Variants in AUTS2 observed in about 807,000 individuals in gnomAD.
The protein encoded by AUTS2 is autism susceptibility gene 2 protein.
In AUTS2, 17 loss-of-function variants were observed where a neutral mutation model predicts 112.4. The ratio of observed to expected loss-of-function variants is 0.15; its 90% CI spans 0.10 to 0.23. The LOEUF is 0.23. AUTS2 is among the 10% of genes least tolerant of loss of function. The pLI is 1.00. For synonymous variants in AUTS2, 751 were observed against 702.7 expected (o/e 1.07, Z -1.09); for missense variants, 1,510 against 1,701.6 (o/e 0.89, Z 1.98).
At chr7:70,511,834 C>T (rs756707381) in intron 5 of AUTS2, among the ~76,000 whole-genome samples, 1 of 152,052 alleles carries the variant, frequency 6.6e-6, no homozygotes. Flanking sequence ...GCCTTGGTCT[C>T]CCAAAGTGCT....
chr7:70,399,277 A>G (rs1794224413), intron 4 of AUTS2, among the ~76,000 whole-genome samples: 1 of 152,142 alleles, frequency 6.6e-6, no homozygotes, highest in Admixed American at 6.5e-5. Flanking sequence ...GGCATGAGCC[A>G]CCACACCCAG....
chr7:70,301,471 TA>T (rs1473130376), intron 4 of AUTS2, among the ~76,000 whole-genome samples: 2 of 152,042 alleles, frequency 1.3e-5, no homozygotes, highest in East Asian at 3.9e-4. Context: ...TAAAATAAAA[TA>T]GGGAAAAAAA....
intron 2 of AUTS2, among the ~76,000 whole-genome samples, chr7:70,033,178 G>T (rs1445172954): frequency 6.6e-6 from 1 of 152,138 alleles, no homozygotes; most frequent in Non-Finnish European, 1.5e-5. Context: ...AAATGGTTGA[G>T]TTGTATGTAT....
At chr7:69,876,454 T>C (rs1793784933) in intron 1 of AUTS2, among the ~76,000 whole-genome samples, 1 of 100,554 alleles carries the variant, frequency 9.9e-6, no homozygotes, top group South Asian at 3.1e-4. Context: ...ATATATAAAA[T>C]ACATTATATA....
At chr7:69,616,982 C>T (rs1439860025) in intron 1 of AUTS2, among the ~76,000 whole-genome samples, 2 of 151,892 alleles carry the variant, frequency 1.3e-5, no homozygotes, top group African/African-American at 2.4e-5. Context: ...ACAGGAAGTA[C>T]CATAGTAAAT....
At chr7:70,761,684 T>G (rs1427858732) in intron 6 of AUTS2, among the ~76,000 whole-genome samples, 1 of 152,244 alleles carries the variant, frequency 6.6e-6, no homozygotes, top group Non-Finnish European at 1.5e-5. Context: ...ATCAAGCCAT[T>G]CTACTAAATG....
rs118122029 is a variant in AUTS2, at chr7:70,591,700, G to A, written c.691-106869G>A. ...AGGCATGAGCCACCCCGCCTGCCCCGACTCTCTTCTTAATATGCTCCATGC... is the reference window on the plus strand; with the variant it reads ...AGGCATGAGCCACCCCGCCTGCCCCAACTCTCTTCTTAATATGCTCCATGC... On this transcript the variant is annotated intron_variant, in intron 5 of 18. Coordinates refer to ENST00000342771, the MANE Select transcript of AUTS2 (RefSeq NM_015570.4). Among the ~76,000 whole-genome samples the A allele has an allele frequency of 3.3e-3, 507 of 152,162 alleles. 1 individual carries two copies. Among genetic ancestry groups the A allele is most frequent in the Middle Eastern group, 0.031 (9 of 294 alleles).
At chr7:70,738,832 C>A (rs891950884) in intron 6 of AUTS2, among the ~76,000 whole-genome samples, 1 of 152,012 alleles carries the variant, frequency 6.6e-6, no homozygotes, top group Non-Finnish European at 1.5e-5. Flanking sequence ...ATACATAGTT[C>A]AAATACAAGG....
Position 70,632,605 on chromosome 7 carries a change from C to T in AUTS2, c.691-65964C>T, listed in dbSNP as rs568357258. ...ACTCCCTGCTGCCACTCTCTGGCTCCCACGTCTTCCCTGCCTGACACTCCC... is the reference window on the plus strand; with the variant it reads ...ACTCCCTGCTGCCACTCTCTGGCTCTCACGTCTTCCCTGCCTGACACTCCC... On this transcript the variant is annotated intron_variant, in intron 5 of 18. Transcript: ENST00000342771. Among the ~76,000 whole-genome samples, 13 of 152,076 alleles carry T rather than the reference C, an allele frequency of 8.5e-5. No individual in the cohort carries two copies. In the East Asian group the frequency reaches 2.5e-3, roughly 29 times the overall value.
intron 2 of AUTS2, among the ~76,000 whole-genome samples, chr7:69,941,836 C>T (rs1038587628): frequency 4.6e-5 from 7 of 152,112 alleles, no homozygotes; most frequent in African/African-American, 1.7e-4. Context: ...AACAATTGGG[C>T]CAGACTGGAT....
intron 6 of AUTS2, among the ~76,000 whole-genome samples, chr7:70,753,973 G>A (rs1789025550): frequency 6.6e-6 from 1 of 151,520 alleles, no homozygotes; most frequent in African/African-American, 2.4e-5. Context: ...TGGCTAACAC[G>A]GTGAAACCCC....
At chr7:69,774,535 A>G (rs1788812641) in intron 1 of AUTS2, among the ~76,000 whole-genome samples, 1 of 152,260 alleles carries the variant, frequency 6.6e-6, no homozygotes, top group Non-Finnish European at 1.5e-5. Flanking sequence ...GAATTCTGAC[A>G]AGAATTTTAA....
chr7:70,371,307 G>A (rs1323810786), intron 4 of AUTS2, among the ~76,000 whole-genome samples: 1 of 152,172 alleles, frequency 6.6e-6, no homozygotes, highest in Non-Finnish European at 1.5e-5. Context: ...GCACAGTGAG[G>A]GTTGAAAGAC....
rs1465863120 is a variant in AUTS2, at chr7:70,764,764, C to G, written c.1227C>G (p.Ser409Arg). ...LSLNSLSSSR[S>R]STPAKTQPAP... ...CTTGTTCCGATAGCAGCAGCAGAAG[C>G]AGCACTCCAGCGAAGACTCAGCCCG... The change falls in exon 8 of 19, where the codon AGC (serine) becomes AGG (arginine). Residue 409 changes from serine to arginine, a missense_variant. By Grantham distance (110) the Ser-to-Arg change is moderately radical. Coordinates refer to ENST00000342771, the MANE Select transcript of AUTS2 (RefSeq NM_015570.4). The G allele has an allele frequency of 6.7e-6, 5 of 741,382 alleles. No individual in the cohort carries two copies. Among genetic ancestry groups the G allele is most frequent in the Non-Finnish European group, 1.2e-5 (5 of 406,800 alleles). The allele number at this position is 741,382 out of a possible 1,614,324, so 45.9% of individuals were successfully genotyped here.
intron 4 of AUTS2, among the ~76,000 whole-genome samples, chr7:70,237,581 G>A (rs1458624515): frequency 6.6e-6 from 1 of 152,004 alleles, no homozygotes; most frequent in Non-Finnish European, 1.5e-5. Flanking sequence ...CCAAATCTCA[G>A]GCTTATCCTA....
intron 18 of AUTS2, among the ~76,000 whole-genome samples, chr7:70,789,297 G>GTGT (rs1408096708): frequency 6.6e-6 from 1 of 152,222 alleles, no homozygotes; most frequent in Non-Finnish European, 1.5e-5. Flanking sequence ...CACTGGTTCA[G>GTGT]TGTTGCAAAG....
intron 1 of AUTS2, among the ~76,000 whole-genome samples, chr7:69,721,527 A>T (rs181266495): frequency 6.6e-6 from 1 of 152,302 alleles, no homozygotes; most frequent in African/African-American, 2.4e-5. Context: ...TATTCCCAGT[A>T]CCTAATTTAT....
intron 6 of AUTS2, among the ~76,000 whole-genome samples, chr7:70,739,174 G>A (rs1012883842): frequency 3.3e-5 from 5 of 151,406 alleles, no homozygotes; most frequent in African/African-American, 1.2e-4. Context: ...CCATAGGTGT[G>A]CACCACTATG....
intron 5 of AUTS2, among the ~76,000 whole-genome samples, chr7:70,440,405 C>A (rs918102992): frequency 6.6e-6 from 1 of 152,042 alleles, no homozygotes; most frequent in Non-Finnish European, 1.5e-5. Flanking sequence ...CAGAGTGAGA[C>A]CCTGTCTCTA....
Sources: allele counts gnomAD v4.1 joint callset (sites outside exome capture counted in the v4.1 genomes callset), GRCh38; gene constraint gnomAD v4.1.1; transcripts MANE v1.5; gene names NCBI Gene and HGNC (gene_info 2026-07-23, HGNC 2026-07-21).